The following BRINP1 variants were observed in gnomAD, a reference collection of about 807,000 sequenced individuals.
BRINP1 encodes the protein BMP/retinoic acid-inducible neural-specific protein 1.
A neutral mutation model predicts 72.9 loss-of-function variants in BRINP1; 17 were observed. The observed-to-expected ratio is 0.23, with a 90% CI of 0.16 to 0.35. The LOEUF is 0.35. Ranked by LOEUF, BRINP1 falls within the 10% of genes least tolerant of loss-of-function variation. The probability of loss-of-function intolerance (pLI) is 1.00; values close to 1 mark genes in which losing one functional copy is unlikely to be tolerated. For missense variants in BRINP1, 850 were observed against 1,001.6 expected, an observed-to-expected ratio of 0.85 and a Z score of 2.04; for synonymous variants, 418 against 378.5, an observed-to-expected ratio of 1.10 and a Z score of -1.21.
intron 7 of BRINP1, among the ~76,000 whole-genome samples, chr9:119,178,844 T>C (rs1829519838): frequency 6.6e-6 from 1 of 152,146 alleles, no homozygotes; most frequent in African/African-American, 2.4e-5. Context: ...AAAATTATAA[T>C]GATATGGTGA....
At chr9:119,277,063 A>T (rs547532557) in intron 2 of BRINP1, among the ~76,000 whole-genome samples, 2 of 152,156 alleles carry the variant, frequency 1.3e-5, no homozygotes, top group Non-Finnish European at 2.9e-5. Flanking sequence ...GAAATCATAG[A>T]GTGTGTAGCC....
At chr9:119,220,449 C>G (rs781067497) in intron 5 of BRINP1, among the ~76,000 whole-genome samples, 1 of 152,146 alleles carries the variant, frequency 6.6e-6, no homozygotes, top group East Asian at 1.9e-4. Flanking sequence ...GATTATAGCC[C>G]AATCTTCATC....
chr9:119,353,368 T>A (rs75445364), intron 1 of BRINP1, among the ~76,000 whole-genome samples: 2,601 of 152,306 alleles, frequency 0.017, 30 homozygotes, highest in Non-Finnish European at 0.025. Flanking sequence ...CTTCCATGTA[T>A]ATTAACTATT....
At chr9:119,289,884 A>C (rs1830804811) in intron 2 of BRINP1, among the ~76,000 whole-genome samples, 1 of 152,212 alleles carries the variant, frequency 6.6e-6, no homozygotes, top group African/African-American at 2.4e-5. Context: ...GATGCACGAC[A>C]GTCCCTAGTC....
chr9:119,310,300 T>G (rs1389775382), intron 2 of BRINP1, among the ~76,000 whole-genome samples: 2 of 151,974 alleles, frequency 1.3e-5, no homozygotes, highest in African/African-American at 4.8e-5. Flanking sequence ...AGCAGAAAAC[T>G]CCCCCAAGCC....
intron 5 of BRINP1, among the ~76,000 whole-genome samples, chr9:119,228,313 C>A (rs371951960): frequency 1.4e-4 from 22 of 151,976 alleles, no homozygotes; most frequent in African/African-American, 5.1e-4. Flanking sequence ...TATACACACA[C>A]ACATAGGAAT....
intron 1 of BRINP1, among the ~76,000 whole-genome samples, chr9:119,358,460 G>A (rs1223661391): frequency 6.6e-6 from 1 of 151,816 alleles, no homozygotes; most frequent in African/African-American, 2.4e-5. Context: ...TTGGGAGGCT[G>A]AGGTGGGCAG....
At chr9:119,287,220 A>G (rs1025732524) in intron 2 of BRINP1, among the ~76,000 whole-genome samples, 2 of 152,214 alleles carry the variant, frequency 1.3e-5, no homozygotes, top group Non-Finnish European at 2.9e-5. Context: ...TTATCATAAG[A>G]GAGACCTGGT....
intron 1 of BRINP1, among the ~76,000 whole-genome samples, chr9:119,367,562 G>T (rs1831708665): frequency 6.6e-6 from 1 of 152,074 alleles, no homozygotes; most frequent in Non-Finnish European, 1.5e-5. Flanking sequence ...ACAGTACCAA[G>T]CCAGGGTGGC....
Position 119,288,654 on chromosome 9 carries a change from T to G in BRINP1, c.218+24484A>C, listed in dbSNP as rs915563987. Among the ~76,000 whole-genome samples the G allele has an allele frequency of 1.8e-4, 27 of 152,234 alleles. 1 individual carries two copies. The highest frequency in any genetic ancestry group is 4.6e-4 in the Admixed American group (7 of 15,284). Reference sequence around the variant, plus strand: ...TTTTTAGCAAGAGGTGGGAAAATGCTTCTTACTCAACCTCATAGCCTTAGG... The same window carrying G: ...TTTTTAGCAAGAGGTGGGAAAATGCGTCTTACTCAACCTCATAGCCTTAGG... On this transcript the variant is annotated intron_variant, in intron 2 of 7. Coordinates refer to ENST00000265922, the MANE Select transcript of BRINP1 (RefSeq NM_014618.3).
rs546428254 is a variant in BRINP1 at position 119,208,521 on chromosome 9, CAATGTGGAATCTG to C, written c.1145+185_1145+197del. Among the ~76,000 whole-genome samples, 52 of 152,174 alleles carry C rather than the reference CAATGTGGAATCTG, an allele frequency of 3.4e-4. 1 individual carries two copies. Among genetic ancestry groups the C allele is most frequent in the Admixed American group, 3.3e-3 (51 of 15,290 alleles). ...GAAAATTCATGGTACATTCAGGAAA[CAATGTGGAATCTG>C]AAACAATGTGGAGCCAGTAGGTGAG... On this transcript the variant is annotated intron_variant, in intron 7 of 7. Transcript: ENST00000265922.
intron 2 of BRINP1, among the ~76,000 whole-genome samples, chr9:119,260,792 G>A (rs1830487634): frequency 6.6e-6 from 1 of 152,148 alleles, no homozygotes; most frequent in South Asian, 2.1e-4. Flanking sequence ...CAAGGTAATT[G>A]ATTTAGTATA....
chr9:119,325,581 G>A (rs138883757), intron 1 of BRINP1, among the ~76,000 whole-genome samples: 58 of 152,034 alleles, frequency 3.8e-4, no homozygotes, highest in Middle Eastern at 3.4e-3. Context: ...GCCTATCCTC[G>A]TTTGACACCT....
At chr9:119,339,424 T>C (rs1831386152) in intron 1 of BRINP1, among the ~76,000 whole-genome samples, 2 of 152,240 alleles carry the variant, frequency 1.3e-5, no homozygotes, top group African/African-American at 4.8e-5. Context: ...TCTTCTCAAC[T>C]GGAATATCAG....
chr9:119,345,667 T>C (rs1281881254), intron 1 of BRINP1, among the ~76,000 whole-genome samples: 1 of 152,182 alleles, frequency 6.6e-6, no homozygotes, highest in Non-Finnish European at 1.5e-5. Context: ...GAAGGTTAAG[T>C]GACTCTTCCA....
intron 7 of BRINP1, among the ~76,000 whole-genome samples, chr9:119,203,242 G>C (rs983961808): frequency 1.3e-5 from 2 of 152,236 alleles, no homozygotes; most frequent in South Asian, 4.1e-4. Flanking sequence ...CAACAGTAAA[G>C]TCAGCAAAAT....
intron 1 of BRINP1, among the ~76,000 whole-genome samples, chr9:119,331,821 G>C (rs915653437): frequency 1.3e-5 from 2 of 152,148 alleles, no homozygotes; most frequent in Non-Finnish European, 2.9e-5. Context: ...GGTCAAAATC[G>C]CCAGGGATGC....
chr9:119,168,300 T>G, intron 7 of BRINP1, 76 bp from the exon 8 acceptor site: 1 of 1,233,204 alleles, frequency 8.1e-7, no homozygotes, highest in South Asian at 1.7e-5. Context: ...CAACTGATAA[T>G]GCGAACTGGA....
intron 1 of BRINP1, among the ~76,000 whole-genome samples, chr9:119,320,904 A>C (rs1031997533): frequency 6.6e-6 from 1 of 151,874 alleles, no homozygotes; most frequent in Admixed American, 6.6e-5. Flanking sequence ...CCATAGAAAT[A>C]CCAGGAGAGG....
Sources: allele counts gnomAD v4.1 joint callset (sites outside exome capture counted in the v4.1 genomes callset), GRCh38; gene constraint gnomAD v4.1.1; transcripts MANE v1.5; gene names NCBI Gene and HGNC (gene_info 2026-07-23, HGNC 2026-07-21).